Variants in WWOX observed in about 807,000 individuals in gnomAD.
WWOX encodes the protein WW domain-containing oxidoreductase.
In WWOX, 69 loss-of-function variants were observed where a neutral mutation model predicts 46.2. The observed-to-expected ratio is 1.49, with a 90% CI of 1.23 to 1.82. The LOEUF (loss-of-function observed/expected upper bound fraction) is 1.82, where lower values mean the gene tolerates loss of function less well. WWOX is among the 40% of genes most tolerant of loss of function. WWOX has a pLI of 0.00. For synonymous variants in WWOX, 359 were observed against 202.6 expected, an observed-to-expected ratio of 1.77 and a Z score of -6.56; for missense variants, 919 against 542.6, an observed-to-expected ratio of 1.69 and a Z score of -6.89.
chr16:78,701,614 T>C (rs1484401344), intron 8 of WWOX, among the ~76,000 whole-genome samples: 1 of 151,678 alleles, frequency 6.6e-6, no homozygotes, highest in Non-Finnish European at 1.5e-5. Flanking sequence ...CCCACCTGCC[T>C]CCCCCACACT....
At chr16:78,777,448 G>A (rs1268041558) in intron 8 of WWOX, among the ~76,000 whole-genome samples, 1 of 152,114 alleles carries the variant, frequency 6.6e-6, no homozygotes, top group East Asian at 1.9e-4. Flanking sequence ...GTGTCTAGTG[G>A]CTGTCGTATT....
chr16:78,859,224 A>G (rs773277083), intron 8 of WWOX, among the ~76,000 whole-genome samples: 14 of 151,660 alleles, frequency 9.2e-5, no homozygotes, highest in South Asian at 8.4e-4. Context: ...ACTGATTTCA[A>G]CTTTGTTTCC....
intron 5 of WWOX, among the ~76,000 whole-genome samples, chr16:78,260,020 C>T (rs1368470630): frequency 2.0e-5 from 3 of 151,280 alleles, no homozygotes; most frequent in African/African-American, 7.3e-5. Flanking sequence ...CCCGTGCCTT[C>T]TGACTGGGTG....
intron 8 of WWOX, among the ~76,000 whole-genome samples, chr16:78,856,612 CAGCGTGGGTGACA>C (rs1455312290): frequency 6.6e-6 from 1 of 152,098 alleles, no homozygotes; most frequent in Non-Finnish European, 1.5e-5. Flanking sequence ...CACTGCACTC[CAGCGTGGGTGACA>C]GAGCAAGACT....
At chr16:78,865,574 G>A (rs1382693729) in intron 8 of WWOX, among the ~76,000 whole-genome samples, 2 of 152,080 alleles carry the variant, frequency 1.3e-5, no homozygotes, top group African/African-American at 2.4e-5. Flanking sequence ...GGTAGGTAAA[G>A]TGCAAGGAAT....
At chr16:79,104,641 T>A (rs2049271194) in intron 8 of WWOX, among the ~76,000 whole-genome samples, 1 of 152,154 alleles carries the variant, frequency 6.6e-6, no homozygotes, top group African/African-American at 2.4e-5. Flanking sequence ...CCATGTACCT[T>A]TGTGTCTCCT....
At chr16:79,021,824 G>A (rs573769111) in intron 8 of WWOX, among the ~76,000 whole-genome samples, 3 of 152,196 alleles carry the variant, frequency 2.0e-5, no homozygotes, top group African/African-American at 7.2e-5. Flanking sequence ...GCACTAGCTT[G>A]TAGCTTGTTC....
intron 8 of WWOX, among the ~76,000 whole-genome samples, chr16:78,618,002 A>G (rs543216971): frequency 6.6e-6 from 1 of 152,312 alleles, no homozygotes; most frequent in African/African-American, 2.4e-5. Flanking sequence ...ATTAGTGTTT[A>G]TTGAGCACCT....
intron 8 of WWOX, among the ~76,000 whole-genome samples, chr16:78,455,356 C>T (rs192795302): frequency 3.3e-5 from 5 of 152,008 alleles, no homozygotes; most frequent in South Asian, 2.1e-4. Flanking sequence ...TTTAAAAAAT[C>T]GAGGCTAGGT....
intron 8 of WWOX, among the ~76,000 whole-genome samples, chr16:78,605,576 C>G (rs2045736556): frequency 1.3e-5 from 2 of 152,098 alleles, no homozygotes; most frequent in African/African-American, 4.8e-5. Flanking sequence ...AAAAATCAAC[C>G]AATGCCTGCC....
chr16:78,475,003 C>T (rs563908806), intron 8 of WWOX, among the ~76,000 whole-genome samples: 1 of 152,192 alleles, frequency 6.6e-6, no homozygotes, highest in African/African-American at 2.4e-5. Flanking sequence ...TGAGATTCAT[C>T]TTTGTAGCCA....
intron 8 of WWOX, among the ~76,000 whole-genome samples, chr16:79,179,860 G>A (rs1347966106): frequency 1.3e-5 from 2 of 152,184 alleles, no homozygotes; most frequent in Non-Finnish European, 2.9e-5. Context: ...AACCAAATGA[G>A]TCTAAGTACC....
chr16:78,838,920 T>TGG (rs529461358), intron 8 of WWOX, among the ~76,000 whole-genome samples: 27 of 151,778 alleles, frequency 1.8e-4, no homozygotes, highest in African/African-American at 6.0e-4. Context: ...GGGGGGTGAG[T>TGG]GGGAACCAGA....
chr16:78,138,509 C>A (rs2033877060), intron 4 of WWOX, among the ~76,000 whole-genome samples: 1 of 152,068 alleles, frequency 6.6e-6, no homozygotes, highest in South Asian at 2.1e-4. Flanking sequence ...TTCCTACCTT[C>A]CATATGAGAG....
chr16:78,272,426 G>A (rs1429824181), intron 5 of WWOX, among the ~76,000 whole-genome samples: 2 of 152,204 alleles, frequency 1.3e-5, no homozygotes, highest in Non-Finnish European at 2.9e-5. Flanking sequence ...GAAAGTAACA[G>A]GAAGCTGCCA....
intron 5 of WWOX, among the ~76,000 whole-genome samples, chr16:78,202,126 G>A (rs922598884): frequency 5.3e-5 from 8 of 152,158 alleles, no homozygotes; most frequent in Non-Finnish European, 1.0e-4. Flanking sequence ...TGCTAAATAA[G>A]GGAACAATTT....
intron 8 of WWOX, among the ~76,000 whole-genome samples, chr16:78,652,828 A>G (rs1404859147): frequency 1.3e-5 from 2 of 152,234 alleles, no homozygotes; most frequent in African/African-American, 2.4e-5. Context: ...TATTCATCAT[A>G]TAAGTAAATT....
At chr16:78,745,064 A>T (rs1353289783) in intron 8 of WWOX, among the ~76,000 whole-genome samples, 1 of 152,106 alleles carries the variant, frequency 6.6e-6, no homozygotes, top group Non-Finnish European at 1.5e-5. Context: ...CATTTTATTG[A>T]TGAAGAAATG....
At chr16:78,484,560 C>T (rs537776886) in intron 8 of WWOX, among the ~76,000 whole-genome samples, 65 of 152,144 alleles carry the variant, frequency 4.3e-4, no homozygotes, top group African/African-American at 1.4e-3. Context: ...CTAATAATCA[C>T]GTATACTTAA....
Sources: allele counts gnomAD v4.1 joint callset (sites outside exome capture counted in the v4.1 genomes callset), GRCh38; gene constraint gnomAD v4.1.1; transcripts MANE v1.5; gene names NCBI Gene and HGNC (gene_info 2026-07-23, HGNC 2026-07-21).